Variants in COL22A1 observed in about 807,000 individuals in gnomAD.
COL22A1 encodes the protein collagen type XXII alpha 1 chain, also known as collagen alpha-1(XXII) chain.
A neutral mutation model predicts 248.9 loss-of-function variants in COL22A1; 221 were observed. The observed-to-expected ratio is 0.89, with a 90% CI of 0.80 to 0.99. The LOEUF is 0.99. COL22A1 is among the 50% of genes least tolerant of loss of function. The pLI is 0.00. For synonymous variants in COL22A1, 891 were observed against 793.4 expected (o/e 1.12, Z -2.07); for missense variants, 2,240 against 2,179.0 (o/e 1.03, Z -0.56).
intron 59 of COL22A1, among the ~76,000 whole-genome samples, chr8:138,603,881 C>T (rs777835424): frequency 3.3e-5 from 5 of 152,162 alleles, no homozygotes; most frequent in Admixed American, 1.3e-4. Context: ...GGCCTTGAAA[C>T]GGAGAAGCTA....
At chr8:138,785,932 G>A (rs1249895848) in intron 12 of COL22A1, among the ~76,000 whole-genome samples, 2 of 152,260 alleles carry the variant, frequency 1.3e-5, no homozygotes, top group East Asian at 3.9e-4. Context: ...TTTAAAATTA[G>A]TCTTGTGTAA....
chr8:138,641,012 C>T (rs1246864924), intron 47 of COL22A1, among the ~76,000 whole-genome samples: 1 of 152,190 alleles, frequency 6.6e-6, no homozygotes, highest in Non-Finnish European at 1.5e-5. Context: ...GCTTGTAGGT[C>T]TTTCTTCTCT....
chr8:138,799,503 G>A (rs1020202525), intron 11 of COL22A1, among the ~76,000 whole-genome samples: 1 of 152,060 alleles, frequency 6.6e-6, no homozygotes, highest in African/African-American at 2.4e-5. Flanking sequence ...TCACTGACTT[G>A]GCTAGATTAT....
intron 3 of COL22A1, among the ~76,000 whole-genome samples, chr8:138,870,582 G>A (rs1823258712): frequency 6.6e-6 from 1 of 151,822 alleles, no homozygotes; most frequent in African/African-American, 2.4e-5. Context: ...GACTGTAAAT[G>A]GTGTTTGTGC....
At chr8:138,801,570 G>C (rs564800138) in intron 11 of COL22A1, among the ~76,000 whole-genome samples, 60 of 152,102 alleles carry the variant, frequency 3.9e-4, no homozygotes, top group Non-Finnish European at 6.6e-4. Context: ...TATGGGCCAG[G>C]CATTTTGTAA....
In COL22A1 at chr8:138,779,548, C is replaced by A. The variant is rs1329524321; in HGVS notation, c.1665G>T (p.Glu555Asp). The change falls in exon 14 of 65, where the codon GAG (glutamate) becomes GAT (aspartate). Residue 555 changes from glutamate (E) to aspartate (D), a missense_variant. Physicochemically the swap from Glu to Asp is conservative, Grantham distance 45. Transcript: ENST00000303045. The stretch of plus-strand genomic sequence containing the variant: ...CACCCGGCAGCCCCGGCTCTCCCAG[C>A]TCTCCTGGCTCCCCCTGAACAAACA... ...GSKGMRGEPG[E>D]LGEPGLPGEV... 1.9e-6 allele frequency: 3 copies of A among 1,613,272 alleles called. No individual in the cohort carries two copies. Among genetic ancestry groups the A allele is most frequent in the South Asian group, 2.2e-5 (2 of 91,044 alleles).
At chr8:138,747,570 T>C (rs1310591750) in intron 22 of COL22A1, among the ~76,000 whole-genome samples, 2 of 152,126 alleles carry the variant, frequency 1.3e-5, no homozygotes, top group African/African-American at 4.8e-5. Flanking sequence ...AGCTATCAGT[T>C]TGGCCAATGT....
chr8:138,911,704 ACTGT>A (rs1307921217), intron 1 of COL22A1, among the ~76,000 whole-genome samples: 1 of 152,170 alleles, frequency 6.6e-6, no homozygotes, highest in Non-Finnish European at 1.5e-5. Context: ...AAGCCTTAAA[ACTGT>A]CTGTGGACTG....
At chr8:138,645,344 C>T (rs1456522159) in intron 47 of COL22A1, among the ~76,000 whole-genome samples, 1 of 152,166 alleles carries the variant, frequency 6.6e-6, no homozygotes, top group African/African-American at 2.4e-5. Flanking sequence ...TAATGCTGGT[C>T]TTTGCTATCT....
At chr8:138,887,193 C>A (rs527633549) in intron 1 of COL22A1, among the ~76,000 whole-genome samples, 1 of 151,982 alleles carries the variant, frequency 6.6e-6, no homozygotes, top group African/African-American at 2.4e-5. Flanking sequence ...CCACCCCTAG[C>A]CCCTCACTAT....
chr8:138,722,011 G>T, intron 26 of COL22A1, 25 bp downstream of exon 26: 2 of 1,557,212 alleles, frequency 1.3e-6, no homozygotes, highest in South Asian at 1.2e-5. Flanking sequence ...TTCCCAAACT[G>T]GTGCCAACCG....
At chr8:138,666,246 C>T (rs1440829319) in intron 41 of COL22A1, among the ~76,000 whole-genome samples, 1 of 152,134 alleles carries the variant, frequency 6.6e-6, no homozygotes, top group African/African-American at 2.4e-5. Context: ...AAGAGTCATA[C>T]AGACACATAG....
At chr8:138,710,606 T>TATATAG (rs150247137) in intron 30 of COL22A1, among the ~76,000 whole-genome samples, 15,462 of 147,700 alleles carry the variant, frequency 0.1, 1,011 homozygotes, top group Non-Finnish European at 0.14. Context: ...TATCTATCTA[T>TATATAG]CTATATATAT....
Position 138,592,609 on chromosome 8 carries a change from TA to T in COL22A1, c.4616-1109del, listed in dbSNP as rs560948844. The stretch of plus-strand genomic sequence containing the variant: ...GGAAATGGATAAGCAAATTAAGAAT[TA>T]GTAAGAAAATGGGAGATCAAAAGAG... On this transcript the variant is annotated intron_variant, in intron 63 of 64. Coordinates refer to ENST00000303045, the MANE Select transcript of COL22A1 (RefSeq NM_152888.3). Among the ~76,000 whole-genome samples, 500 of 152,234 alleles carry T rather than the reference TA, an allele frequency of 3.3e-3. 2 individuals are homozygous for T. The highest frequency in any genetic ancestry group is 0.011 in the African/African-American group (457 of 41,540).
intron 52 of COL22A1, 52 bp from the exon 53 acceptor site, chr8:138,619,560 C>A (rs1389104692): frequency 1.9e-6 from 3 of 1,541,134 alleles, no homozygotes; most frequent in Non-Finnish European, 2.7e-6. Context: ...TAAGAATCTT[C>A]CTATTCCTGG....
chr8:138,680,242 C>A (rs534990417), intron 39 of COL22A1, among the ~76,000 whole-genome samples: 2 of 152,106 alleles, frequency 1.3e-5, no homozygotes, highest in East Asian at 3.9e-4. Context: ...GGGTTGTAGA[C>A]GGAGGATGAT....
intron 23 of COL22A1, among the ~76,000 whole-genome samples, chr8:138,726,362 G>A (rs1830308354): frequency 6.6e-6 from 1 of 151,756 alleles, no homozygotes; most frequent in Admixed American, 6.6e-5. Flanking sequence ...CTGGTCATAG[G>A]GGCTCTTGCC....
chr8:138,763,808 A>G (rs544183431), intron 16 of COL22A1, among the ~76,000 whole-genome samples: 1 of 152,200 alleles, frequency 6.6e-6, no homozygotes, highest in Admixed American at 6.5e-5. Context: ...TTTCATCTAA[A>G]TGAGAGACTC....
chr8:138,599,291 C>A (rs1384543736), intron 60 of COL22A1, among the ~76,000 whole-genome samples: 2 of 150,590 alleles, frequency 1.3e-5, no homozygotes, highest in Non-Finnish European at 3.0e-5. Flanking sequence ...CCTTGTTAAC[C>A]CTGTGAAACC....
Sources: gnomAD v4.1 joint callset for allele counts (sites outside exome capture counted in the v4.1 genomes callset) on GRCh38, gnomAD v4.1.1 for gene constraint, MANE v1.5 for transcripts, NCBI Gene and HGNC (gene_info 2026-07-23, HGNC 2026-07-21) for gene names.